Variants in PPM1L observed in about 807,000 individuals in gnomAD.
PPM1L encodes protein phosphatase, Mg2+/Mn2+ dependent 1L, also known as protein phosphatase 1L.
PPM1L carries 13 observed loss-of-function variants against 31.4 expected under a neutral mutation model. The observed-to-expected ratio is 0.41, with a 90% CI of 0.27 to 0.66. The LOEUF (loss-of-function observed/expected upper bound fraction) is 0.66, where lower values mean the gene tolerates loss of function less well. PPM1L is among the 30% of genes least tolerant of loss of function. The probability of loss-of-function intolerance (pLI) is 0.29; values close to 1 mark genes in which losing one functional copy is unlikely to be tolerated. For missense variants in PPM1L, 326 were observed against 453.7 expected (o/e 0.72, Z 2.56); for synonymous variants, 184 against 175.4 (o/e 1.05, Z -0.39).
chr3:160,963,603 G>T (rs1304897479), intron 2 of PPM1L, among the ~76,000 whole-genome samples: 2 of 152,038 alleles, frequency 1.3e-5, no homozygotes, highest in African/African-American at 2.4e-5. Context: ...ATTCTGTAGA[G>T]GGGGCATTAT....
chr3:161,023,380 TGTTCCACA>T (rs539589569), intron 2 of PPM1L, among the ~76,000 whole-genome samples: 7 of 152,176 alleles, frequency 4.6e-5, no homozygotes, highest in Non-Finnish European at 1.0e-4. Context: ...CAATTCATGA[TGTTCCACA>T]GATTGTTAAG....
At chr3:161,032,075 CAA>C (rs904759723) in intron 2 of PPM1L, among the ~76,000 whole-genome samples, 8 of 152,160 alleles carry the variant, frequency 5.3e-5, no homozygotes, top group African/African-American at 1.9e-4. Flanking sequence ...GGCTTGAACA[CAA>C]GAGACCATTT....
chr3:160,937,475 C>A (rs1715009163), intron 1 of PPM1L, among the ~76,000 whole-genome samples: 1 of 152,052 alleles, frequency 6.6e-6, no homozygotes, highest in Admixed American at 6.6e-5. Context: ...AAAAAATTAG[C>A]CAGACGTGGT....
In PPM1L at chr3:160,910,989, C is replaced by T. The variant is rs539984598; in HGVS notation, c.400-50747C>T. Among the ~76,000 whole-genome samples the T allele has an allele frequency of 2.0e-4, 31 of 152,086 alleles. No individual in the cohort carries two copies. The South Asian group carries it at 6.2e-3, about 31-fold the overall frequency. ...CTTTAACATTATGGTACTTTTGTAC[C>T]TCATTTGGAGATTAAAGAGCTTGAC... On this transcript the variant is annotated intron_variant, in intron 1 of 3. Coordinates refer to ENST00000498165, the MANE Select transcript of PPM1L (RefSeq NM_139245.4).
chr3:160,849,799 C>T (rs1257026662), intron 1 of PPM1L, among the ~76,000 whole-genome samples: 3 of 151,216 alleles, frequency 2.0e-5, no homozygotes, highest in South Asian at 2.1e-4. Flanking sequence ...CTCCTGACCT[C>T]GTGATCCGCC....
chr3:160,894,449 G>GCT (rs1441674559), intron 1 of PPM1L, among the ~76,000 whole-genome samples: 2 of 152,210 alleles, frequency 1.3e-5, no homozygotes, highest in East Asian at 3.9e-4. Context: ...TGGGAAAAAT[G>GCT]GCTGATGTAG....
chr3:161,012,229 G>T (rs548258508), intron 2 of PPM1L, among the ~76,000 whole-genome samples: 1 of 152,102 alleles, frequency 6.6e-6, no homozygotes, highest in Non-Finnish European at 1.5e-5. Flanking sequence ...TAGCATGAAG[G>T]GCTGTTGAAT....
At chr3:161,013,171 A>G (rs1214346768) in intron 2 of PPM1L, among the ~76,000 whole-genome samples, 1 of 152,050 alleles carries the variant, frequency 6.6e-6, no homozygotes, top group Non-Finnish European at 1.5e-5. Context: ...AGTGCTGTAA[A>G]TTTCCCTCTA....
intron 2 of PPM1L, among the ~76,000 whole-genome samples, chr3:160,991,496 C>T (rs1329389698): frequency 2.6e-5 from 4 of 152,084 alleles, no homozygotes; most frequent in Non-Finnish European, 4.4e-5. Flanking sequence ...TGATTCAAAC[C>T]TAAATACCAT....
chr3:160,976,685 A>T (rs1716593217), intron 2 of PPM1L, among the ~76,000 whole-genome samples: 1 of 152,100 alleles, frequency 6.6e-6, no homozygotes, highest in African/African-American at 2.4e-5. Flanking sequence ...GTATTCTCTG[A>T]TGGTAGTTTG....
chr3:160,873,200 T>C (rs890422687), intron 1 of PPM1L, among the ~76,000 whole-genome samples: 4 of 152,196 alleles, frequency 2.6e-5, no homozygotes, highest in African/African-American at 9.6e-5. Flanking sequence ...AGAGTCTTTC[T>C]GTCACCAAGG....
At chr3:161,045,574 G>A (rs1224969543) in intron 2 of PPM1L, among the ~76,000 whole-genome samples, 1 of 152,160 alleles carries the variant, frequency 6.6e-6, no homozygotes, top group Non-Finnish European at 1.5e-5. Flanking sequence ...TGAAACCAAT[G>A]AGAACAAAGA....
At chr3:160,799,050 TG>T (rs1275411880) in intron 1 of PPM1L, among the ~76,000 whole-genome samples, 1 of 152,218 alleles carries the variant, frequency 6.6e-6, no homozygotes, top group Non-Finnish European at 1.5e-5. Flanking sequence ...TGTAATATTA[TG>T]ATCAAACTTT....
intron 1 of PPM1L, among the ~76,000 whole-genome samples, chr3:160,945,109 T>TATAAC (rs78928944): frequency 0.012 from 314 of 26,914 alleles, 53 homozygotes; most frequent in Middle Eastern, 0.036. Context: ...ATATAACATA[T>TATAAC]ATGTTATCTA....
intron 1 of PPM1L, among the ~76,000 whole-genome samples, chr3:160,838,651 T>G (rs368573545): frequency 1.5e-4 from 23 of 152,292 alleles, no homozygotes; most frequent in African/African-American, 5.5e-4. Flanking sequence ...TAAAAACCTC[T>G]TTTCTAAAGA....
intron 2 of PPM1L, among the ~76,000 whole-genome samples, chr3:161,028,245 T>C: frequency 6.6e-6 from 1 of 152,232 alleles, no homozygotes; most frequent in South Asian, 2.1e-4. Flanking sequence ...TGATTCAGGC[T>C]GCATGAATGA....
intron 1 of PPM1L, among the ~76,000 whole-genome samples, chr3:160,784,211 T>C (rs1367704991): frequency 6.6e-6 from 1 of 152,194 alleles, no homozygotes; most frequent in African/African-American, 2.4e-5. Flanking sequence ...CCTATATGTG[T>C]ATATATTTTC....
chr3:160,920,615 T>TCTCACA (rs1389629070), intron 1 of PPM1L, among the ~76,000 whole-genome samples: 12 of 28,706 alleles, frequency 4.2e-4, no homozygotes, highest in African/African-American at 1.0e-3. Context: ...TCTCTCTCTC[T>TCTCACA]CACACACACA....
chr3:160,990,086 C>T (rs1389312771), intron 2 of PPM1L, among the ~76,000 whole-genome samples: 1 of 152,128 alleles, frequency 6.6e-6, no homozygotes, highest in Non-Finnish European at 1.5e-5. Flanking sequence ...CCTCAACCTC[C>T]TGGGTTCAAG....
Sources: gnomAD v4.1 joint callset for allele counts (sites outside exome capture counted in the v4.1 genomes callset) on GRCh38, gnomAD v4.1.1 for gene constraint, MANE v1.5 for transcripts, NCBI Gene and HGNC (gene_info 2026-07-23, HGNC 2026-07-21) for gene names.